Variants in SNAP91 observed in about 807,000 individuals in gnomAD.
SNAP91 encodes clathrin coat assembly protein AP180.
A neutral mutation model predicts 100.3 loss-of-function variants in SNAP91; 27 were observed. That is an observed-to-expected ratio of 0.27 (90% CI 0.20 to 0.37). The LOEUF (loss-of-function observed/expected upper bound fraction) is 0.37, where lower values mean the gene tolerates loss of function less well. Ranked by LOEUF, SNAP91 falls within the 10% of genes least tolerant of loss-of-function variation. The pLI is 1.00. For missense variants in SNAP91, 986 were observed against 1,123.7 expected (o/e 0.88, Z 1.75); for synonymous variants, 404 against 398.6 (o/e 1.01, Z -0.16).
intron 18 of SNAP91, 66 bp downstream of exon 18, chr6:83,593,412 A>G: frequency 2.0e-6 from 3 of 1,535,046 alleles, no homozygotes; most frequent in Non-Finnish European, 2.6e-6. Flanking sequence ...TTCATGCAGT[A>G]CATCTCAAGG....
chr6:83,636,220 G>C (rs1028303924), intron 8 of SNAP91, among the ~76,000 whole-genome samples: 4 of 152,138 alleles, frequency 2.6e-5, no homozygotes, highest in African/African-American at 9.7e-5. Context: ...TCTCCAGCAA[G>C]ACTGGGTAAA....
intron 2 of SNAP91, among the ~76,000 whole-genome samples, chr6:83,689,126 CCTT>C (rs1449009664): frequency 2.0e-5 from 3 of 152,096 alleles, no homozygotes; most frequent in Non-Finnish European, 4.4e-5. Context: ...GCTTAGGAAA[CCTT>C]CTGCTATCCC....
intron 16 of SNAP91, among the ~76,000 whole-genome samples, chr6:83,600,789 T>G (rs925260337): frequency 2.0e-5 from 3 of 152,230 alleles, no homozygotes; most frequent in Non-Finnish European, 4.4e-5. Flanking sequence ...CCCTTAACTC[T>G]CTTCAAAGGC....
At chr6:83,587,902 T>C (rs1297107657) in intron 22 of SNAP91, among the ~76,000 whole-genome samples, 2 of 152,236 alleles carry the variant, frequency 1.3e-5, no homozygotes, top group African/African-American at 4.8e-5. Flanking sequence ...GAAATATTTT[T>C]CTATAAGAAA....
intron 22 of SNAP91, among the ~76,000 whole-genome samples, chr6:83,587,055 A>T (rs2092783277): frequency 6.6e-6 from 1 of 152,138 alleles, no homozygotes; most frequent in African/African-American, 2.4e-5. Context: ...AGTTTTTATG[A>T]TAGATAGGTT....
intron 2 of SNAP91, among the ~76,000 whole-genome samples, chr6:83,701,883 G>C (rs1008243001): frequency 4.6e-5 from 7 of 152,232 alleles, no homozygotes; most frequent in African/African-American, 1.7e-4. Context: ...TAGAAAGACT[G>C]TGGGCTTCAG....
In SNAP91 at chr6:83,593,526, AGGTGGTGGTAGT is replaced by A. The variant is rs772456773; in HGVS notation, c.1636_1647del (p.Thr546_Thr549del). On this transcript the variant is annotated inframe_deletion, in exon 18 of 30. Transcript: ENST00000369694. ...GGAGCAGTGGTGGCGGTGGCAGCGG[AGGTGGTGGTAGT>A]GGTGGTGGCAGCGGCGGTGGCAGCA... The A allele has an allele frequency of 3.9e-6, 6 of 1,552,530 alleles. No homozygotes were observed. The highest frequency in any genetic ancestry group is 4.9e-5 in the East Asian group (2 of 40,988).
intron 2 of SNAP91, among the ~76,000 whole-genome samples, chr6:83,692,773 AG>A (rs2099147959): frequency 6.6e-6 from 1 of 152,144 alleles, no homozygotes; most frequent in Admixed American, 6.5e-5. Flanking sequence ...ATAACTAATG[AG>A]GGGTGAGACT....
chr6:83,615,593 C>T (rs2096437646), intron 10 of SNAP91, among the ~76,000 whole-genome samples: 1 of 152,136 alleles, frequency 6.6e-6, no homozygotes. Flanking sequence ...AGATTGGAGG[C>T]AGAGCCTGGA....
chr6:83,636,990 C>A (rs543200510), intron 8 of SNAP91, among the ~76,000 whole-genome samples: 5 of 152,264 alleles, frequency 3.3e-5, no homozygotes, highest in Admixed American at 1.3e-4. Flanking sequence ...AGAGGTGTTG[C>A]ACGGTGAAAC....
At chr6:83,641,799 T>C (rs2097713443) in intron 7 of SNAP91, among the ~76,000 whole-genome samples, 1 of 152,218 alleles carries the variant, frequency 6.6e-6, no homozygotes, top group Non-Finnish European at 1.5e-5. Flanking sequence ...CATGACTTTC[T>C]AGTCTATTTA....
At chr6:83,566,141 C>A (rs1297974486) in intron 26 of SNAP91, among the ~76,000 whole-genome samples, 1 of 151,984 alleles carries the variant, frequency 6.6e-6, no homozygotes, top group East Asian at 1.9e-4. Flanking sequence ...CATGCTTCGA[C>A]ATGGATAAAC....
chr6:83,707,714 A>G (rs568317559), intron 2 of SNAP91, 84 bp downstream of exon 2: 5 of 1,553,762 alleles, frequency 3.2e-6, no homozygotes, highest in Admixed American at 2.0e-5. Context: ...CCACAGCATT[A>G]TGGACCAAGA....
chr6:83,572,703 C>T (rs1270347411), intron 26 of SNAP91, among the ~76,000 whole-genome samples: 1 of 152,102 alleles, frequency 6.6e-6, no homozygotes, highest in Non-Finnish European at 1.5e-5. Context: ...AAGTTTTATC[C>T]TGGTGATAAG....
In SNAP91 at chr6:83,678,754, T is replaced by A. The variant is rs572225942; in HGVS notation, c.131-13173A>T. On this transcript the variant is annotated intron_variant, in intron 2 of 29. Coordinates refer to ENST00000369694, the MANE Select transcript of SNAP91 (RefSeq NM_001242792.2). ...CACCATCTCCCAGCATTATCCCACC[T>A]CTTTGGCCTTACCAAAGCCTTACTG... 7 of 1,289,534 alleles carry A rather than the reference T, an allele frequency of 5.4e-6. No homozygotes were observed. The Admixed American group carries it at 1.6e-4, about 30-fold the overall frequency. 79.9% of individuals were successfully genotyped at this position (1,289,534 alleles called of 1,614,324 possible). A position where few individuals can be genotyped will look rare whatever the true frequency, so the allele number is the denominator to read the frequency against.
At chr6:83,672,943 G>C (rs935976914) in intron 2 of SNAP91, among the ~76,000 whole-genome samples, 1 of 152,028 alleles carries the variant, frequency 6.6e-6, no homozygotes, top group African/African-American at 2.4e-5. Context: ...TGTCAGAAAG[G>C]GGAATAAAAA....
At position 83,560,114 on chromosome 6, in the gene SNAP91, G is replaced by C; in HGVS notation, c.2621C>G (p.Pro874Arg). 4 of 1,613,668 alleles carry C rather than the reference G, an allele frequency of 2.5e-6. No homozygotes were observed. The highest frequency in any genetic ancestry group is 3.4e-6 in the Non-Finnish European group (4 of 1,179,658). Residue 874 changes from proline to arginine, a missense_variant, in exon 28 of 30, where the codon CCT (proline) becomes CGT (arginine). Physicochemically the swap from Pro to Arg is moderately radical, Grantham distance 103. Around this residue, in one of 4 missense-constraint regions of SNAP91, gnomAD observed 71 missense variants for 68.5 expected, o/e 1.04. Transcript: ENST00000369694. ...ATTGAAGAAACTGACCTGCGTGCCA[G>C]GTACAGCGGCAGCTCCAAAGGGGGG... Reference protein sequence around the residue: ...MRPPFGAAAVPGTQLSPSPTP... With the variant: ...MRPPFGAAAVRGTQLSPSPTP...
In SNAP91 at chr6:83,697,418, A is replaced by C. The variant is rs981235623; in HGVS notation, c.130+10380T>G. Among the ~76,000 whole-genome samples, 4 of 151,566 alleles carry C rather than the reference A, an allele frequency of 2.6e-5. No individual in the cohort carries two copies. The East Asian group carries it at 7.8e-4, about 29-fold the overall frequency. On this transcript the variant is annotated intron_variant, in intron 2 of 29. Transcript: ENST00000369694. ...CTAATACTTAACCATCTAATATCTA[A>C]CAGTTAATGGTATGTACTGAGAGAA...
At chr6:83,641,030 T>C in intron 8 of SNAP91, 66 bp downstream of exon 8, 1 of 893,752 alleles carries the variant, frequency 1.1e-6, no homozygotes. Context: ...TTCTATTATA[T>C]ATACTCCAGA....
Sources: gnomAD v4.1 joint callset for allele counts (sites outside exome capture counted in the v4.1 genomes callset) on GRCh38, gnomAD v4.1.1 for gene constraint, gnomAD v4.1.1 regional missense constraint, MANE v1.5 for transcripts, NCBI Gene and HGNC (gene_info 2026-07-23, HGNC 2026-07-21) for gene names.